ATPSCKMT: variants seen among roughly 807,000 people sequenced by gnomAD.
ATPSCKMT encodes ATP synthase subunit C lysine N-methyltransferase.
Under a neutral mutation model 24.3 loss-of-function variants are expected in ATPSCKMT, and 24 were observed. That is an observed-to-expected ratio of 0.99 (90% CI 0.71 to 1.39). The LOEUF (loss-of-function observed/expected upper bound fraction) is 1.39, where lower values mean the gene tolerates loss of function less well. Among genes scored for constraint, ATPSCKMT ranks in the 40% most tolerant of loss-of-function variants. The pLI is 0.00. For missense variants in ATPSCKMT, 311 were observed against 298.4 expected (o/e 1.04, Z -0.31); for synonymous variants, 95 against 110.5 (o/e 0.86, Z 0.88).
chr5:10,229,378 G>A (rs1302102945), intron 4 of ATPSCKMT, among the ~76,000 whole-genome samples: 1 of 152,182 alleles, frequency 6.6e-6, no homozygotes. Context: ...GCAGTGCGGT[G>A]TGTGGTCTTT....
At chr5:10,238,992 T>C (rs1262634313) in intron 2 of ATPSCKMT, 75 bp downstream of exon 2, 1 of 1,515,870 alleles carries the variant, frequency 6.6e-7, no homozygotes, top group Non-Finnish European at 8.9e-7. Context: ...TAAGTCTTTG[T>C]GTAAGCCTTA....
chr5:10,228,810 T>G (rs912221982), intron 4 of ATPSCKMT, among the ~76,000 whole-genome samples: 36 of 151,990 alleles, frequency 2.4e-4, no homozygotes, highest in Admixed American at 2.4e-3. Context: ...CTCCTAATTT[T>G]GTAGAGATGG....
rs1423499013 is a variant in ATPSCKMT at position 10,239,314 on chromosome 5, T to C, written c.59A>G (p.His20Arg). The change falls in exon 2 of 5, where the codon CAT becomes CGT. Residue 20 changes from histidine to arginine, a missense_variant. By Grantham distance (29) the His-to-Arg change is conservative. Coordinates refer to ENST00000511437, the MANE Select transcript of ATPSCKMT (RefSeq NM_199133.4). ...ETLKEESQSR[H>R]VLPASFEVNS... is the part of the protein sequence containing the mutation. ...GACTTCAAAACTTGCAGGTAGAACA[T>C]GTCTTGACTGACTTTCTTCTTTAAG... The C allele has an allele frequency of 1.2e-6, 2 of 1,614,168 alleles. No homozygotes were observed. Among genetic ancestry groups the C allele is most frequent in the African/African-American group, 1.3e-5 (1 of 75,022 alleles).
intron 1 of ATPSCKMT, among the ~76,000 whole-genome samples, chr5:10,248,809 C>A (rs1486029348): frequency 6.6e-6 from 1 of 152,138 alleles, no homozygotes; most frequent in Non-Finnish European, 1.5e-5. Context: ...TAGTTAAGTC[C>A]CTGCCCATGG....
intron 4 of ATPSCKMT, among the ~76,000 whole-genome samples, chr5:10,228,180 G>C (rs1009061060): frequency 6.6e-6 from 1 of 152,072 alleles, no homozygotes; most frequent in Non-Finnish European, 1.5e-5. Context: ...CTGAAATCAG[G>C]ACACATCACA....
Position 10,236,610 on chromosome 5 carries a change from T to C in ATPSCKMT, c.312A>G (p.Ile104Met), listed in dbSNP as rs1744385791. Residue 104 changes from isoleucine to methionine, a missense_variant, in exon 3 of 5, where the codon ATA becomes ATG. Coordinates refer to ENST00000511437, the MANE Select transcript of ATPSCKMT (RefSeq NM_199133.4). ...CTGTGAACCCTTTCTTCGCAGCCGCTATGACCTGTGGAGAGAGGCAGGATT... is the reference window on the plus strand; with the variant it reads ...CTGTGAACCCTTTCTTCGCAGCCGCCATGACCTGTGGAGAGAGGCAGGATT... ...DIGSGDGRIVIAAAKKGFTAV... is the reference protein window; with the variant it reads ...DIGSGDGRIVMAAAKKGFTAV... 6 of 1,613,832 alleles carry C rather than the reference T, an allele frequency of 3.7e-6. No homozygotes were observed. The highest frequency in any genetic ancestry group is 5.1e-6 in the Non-Finnish European group (6 of 1,179,952).
intron 4 of ATPSCKMT, among the ~76,000 whole-genome samples, chr5:10,232,075 C>T (rs938268126): frequency 1.4e-4 from 22 of 152,224 alleles, no homozygotes; most frequent in African/African-American, 4.3e-4. Flanking sequence ...TGGTGGCACA[C>T]GCCTGTATTC....
At chr5:10,248,482 T>G (rs1294129046) in intron 1 of ATPSCKMT, 2 of 152,236 alleles carry the variant, frequency 1.3e-5, no homozygotes, top group Non-Finnish European at 2.9e-5. Flanking sequence ...GAAGAACACT[T>G]CAAGGTCTAG....
chr5:10,239,133 A>G lies in ATPSCKMT; in HGVS notation c.240T>C (p.Asn80=). 6.2e-7 allele frequency: 1 copy of G among 1,614,144 alleles called. No homozygotes were observed. Among genetic ancestry groups the G allele is most frequent in the Non-Finnish European group, 8.5e-7 (1 of 1,180,040 alleles). The part of the protein sequence containing the change: ...FVPATTKQIE[N]VVKMLRCRRG... ...TTCGGCATCGCAACATTTTCACAAC[A>G]TTTTCAATCTGCTTCGTAGTTGCAG... Residue 80 remains asparagine, a synonymous_variant, in exon 2 of 5, where the codon AAT becomes AAC. Transcript: ENST00000511437.
At chr5:10,229,364 A>G (rs780824805) in intron 4 of ATPSCKMT, among the ~76,000 whole-genome samples, 1 of 152,182 alleles carries the variant, frequency 6.6e-6, no homozygotes. Flanking sequence ...ATGTGTGCTC[A>G]TGAGCAGTGC....
rs10060648 is a variant in ATPSCKMT, at chr5:10,227,974, T to C, written c.496-327A>G. ...AGTTTTAAATAACGCACTTCAACAC[T>C]TCAATATACCTAGTCTCATATATTT... On this transcript the variant is annotated intron_variant, in intron 4 of 4. Transcript: ENST00000511437. Among the ~76,000 whole-genome samples, 1,091 of 152,308 alleles carry C rather than the reference T, an allele frequency of 7.2e-3. 7 individuals carry two copies. Among genetic ancestry groups the C allele is most frequent in the African/African-American group, 0.025 (1,052 of 41,558 alleles).
In ATPSCKMT at chr5:10,226,384, C is replaced by T. The variant is rs146721342; in HGVS notation, c.*1057G>A. On this transcript the variant is annotated 3_prime_UTR_variant, in exon 5 of 5. Transcript: ENST00000511437. ...GTGACCATCTTACTTCATTACATCT[C>T]CATTAAGACAGTTTGGTATTTCAGT... 6.6e-6 allele frequency: 1 copy of T among 152,300 alleles called. No homozygotes were observed. The highest frequency in any genetic ancestry group is 2.4e-5 in the African/African-American group (1 of 41,558). 9.4% of individuals were successfully genotyped at this position (152,300 alleles called of 1,614,324 possible). A position where few individuals can be genotyped will look rare whatever the true frequency, so the allele number is the denominator to read the frequency against.
intron 4 of ATPSCKMT, among the ~76,000 whole-genome samples, chr5:10,232,196 T>A (rs1177856129): frequency 2.6e-5 from 4 of 151,926 alleles, no homozygotes; most frequent in Non-Finnish European, 5.9e-5. Flanking sequence ...AGAGTGAGAC[T>A]CTGTCTCAAA....
chr5:10,246,225 T>A (rs1744917876), intron 1 of ATPSCKMT, among the ~76,000 whole-genome samples: 1 of 151,900 alleles, frequency 6.6e-6, no homozygotes. Flanking sequence ...AGGTCAGGAG[T>A]TCCAGACCAG....
At chr5:10,228,152 T>C (rs1227480324) in intron 4 of ATPSCKMT, among the ~76,000 whole-genome samples, 1 of 152,182 alleles carries the variant, frequency 6.6e-6, no homozygotes, top group Non-Finnish European at 1.5e-5. Context: ...GCCACATTTT[T>C]GCACATTTTT....
chr5:10,233,184 G>A (rs937264327), intron 4 of ATPSCKMT, among the ~76,000 whole-genome samples: 7 of 152,268 alleles, frequency 4.6e-5, no homozygotes, highest in South Asian at 2.1e-4. Flanking sequence ...AGCAGGGAAC[G>A]TCACATGGCA....
chr5:10,229,284 T>A (rs1203313145), intron 4 of ATPSCKMT, among the ~76,000 whole-genome samples: 1 of 152,208 alleles, frequency 6.6e-6, no homozygotes, highest in East Asian at 1.9e-4. Flanking sequence ...TTGCTCAGTC[T>A]TTCTTTGGTT....
chr5:10,240,275 T>C (rs1432627093), intron 1 of ATPSCKMT, among the ~76,000 whole-genome samples: 2 of 151,838 alleles, frequency 1.3e-5, no homozygotes, highest in East Asian at 3.9e-4. Flanking sequence ...ATCATTTTAG[T>C]ACTATCATAA....
At chr5:10,246,304 C>T (rs1321135788) in intron 1 of ATPSCKMT, among the ~76,000 whole-genome samples, 1 of 152,020 alleles carries the variant, frequency 6.6e-6, no homozygotes, top group Non-Finnish European at 1.5e-5. Flanking sequence ...CATGGTGGTG[C>T]ACACCTGTAA....
Sources: allele counts gnomAD v4.1 joint callset (sites outside exome capture counted in the v4.1 genomes callset), GRCh38; gene constraint gnomAD v4.1.1; transcripts MANE v1.5; gene names NCBI Gene and HGNC (gene_info 2026-07-23, HGNC 2026-07-21).